CDH13: variants seen among roughly 807,000 people sequenced by gnomAD.
The protein encoded by CDH13 is cadherin-13.
A neutral mutation model predicts 63.8 loss-of-function variants in CDH13; 24 were observed. The observed-to-expected ratio is 0.38, with a 90% confidence interval of 0.27 to 0.53. The LOEUF (loss-of-function observed/expected upper bound fraction) is 0.53, where lower values mean the gene tolerates loss of function less well. Ranked by LOEUF, CDH13 falls within the 20% of genes least tolerant of loss-of-function variation. The pLI is 0.85. For synonymous variants in CDH13, 503 were observed against 355.3 expected (o/e 1.42, Z -4.67); for missense variants, 1,049 against 903.1 (o/e 1.16, Z -2.07).
intron 1 of CDH13, among the ~76,000 whole-genome samples, chr16:82,802,269 G>T (rs1414023879): frequency 6.6e-6 from 1 of 152,064 alleles, no homozygotes; most frequent in Non-Finnish European, 1.5e-5. Flanking sequence ...TGAGAATAGT[G>T]AGTGCTCACA....
chr16:83,220,074 G>T (rs190039937), intron 5 of CDH13, among the ~76,000 whole-genome samples: 1 of 152,330 alleles, frequency 6.6e-6, no homozygotes, highest in Admixed American at 6.5e-5. Context: ...CTGGGGCCCA[G>T]CCCTTGGCAG....
At position 83,424,995 on chromosome 16, in the gene CDH13, A is replaced by G. The variant is rs75746762; in HGVS notation, c.782-61482A>G. Among the ~76,000 whole-genome samples the G allele has an allele frequency of 8.6e-3, 1,303 of 152,344 alleles. 8 individuals carry two copies. The highest frequency in any genetic ancestry group is 0.014 in the Non-Finnish European group (923 of 68,030). On this transcript the variant is annotated intron_variant, in intron 6 of 13. Transcript: ENST00000567109. ...TGCAACAAAAAGTCCCAAGGTTGCCATAGTAATGGGAAATTAAATCCACAG... is the reference window on the plus strand; with the variant it reads ...TGCAACAAAAAGTCCCAAGGTTGCCGTAGTAATGGGAAATTAAATCCACAG...
chr16:82,941,113 A>T (rs1280815726), intron 2 of CDH13, among the ~76,000 whole-genome samples: 1 of 152,178 alleles, frequency 6.6e-6, no homozygotes, highest in African/African-American at 2.4e-5. Context: ...ATGAAAAGTG[A>T]TCAGGAAGCT....
intron 7 of CDH13, among the ~76,000 whole-genome samples, chr16:83,546,890 C>T (rs2075396479): frequency 6.6e-6 from 1 of 152,182 alleles, no homozygotes; most frequent in South Asian, 2.1e-4. Flanking sequence ...ATCTGGCACA[C>T]AGTAGGTACT....
chr16:83,761,157 A>G (rs570494549), intron 11 of CDH13, among the ~76,000 whole-genome samples: 1 of 152,350 alleles, frequency 6.6e-6, no homozygotes, highest in East Asian at 1.9e-4. Context: ...GAGTGATGTC[A>G]AAAGAGCAGG....
chr16:83,409,134 A>C (rs1281252284), intron 6 of CDH13, among the ~76,000 whole-genome samples: 1 of 152,148 alleles, frequency 6.6e-6, no homozygotes, highest in Non-Finnish European at 1.5e-5. Flanking sequence ...CAGGGGAGGG[A>C]AGGCAGCCAA....
intron 1 of CDH13, among the ~76,000 whole-genome samples, chr16:82,692,672 G>A (rs566399868): frequency 1.3e-5 from 2 of 152,322 alleles, no homozygotes; most frequent in South Asian, 2.1e-4. Flanking sequence ...CCTTGAATAG[G>A]TGATATGGCA....
intron 6 of CDH13, among the ~76,000 whole-genome samples, chr16:83,468,203 G>C (rs1035312228): frequency 1.3e-5 from 2 of 152,212 alleles, no homozygotes; most frequent in African/African-American, 2.4e-5. Context: ...CTGGGGATGA[G>C]AGTACTGTGG....
chr16:82,825,539 C>A (rs2038202639), intron 1 of CDH13: 1 of 137,996 alleles, frequency 7.2e-6, no homozygotes, highest in African/African-American at 2.7e-5. Flanking sequence ...ACAATATTAA[C>A]TTTTTTTTTT....
chr16:83,043,487 ATGAGTGTGTGTGTGTG>A (rs1432733773), intron 3 of CDH13, among the ~76,000 whole-genome samples: 2 of 133,260 alleles, frequency 1.5e-5, no homozygotes, highest in Non-Finnish European at 3.1e-5. Flanking sequence ...AACTGTATAT[ATGAGTGTGTGTGTGTG>A]TGTGTGTGTG....
chr16:83,756,701 G>A (rs748166103), intron 11 of CDH13, among the ~76,000 whole-genome samples: 2 of 152,162 alleles, frequency 1.3e-5, no homozygotes, highest in Non-Finnish European at 2.9e-5. Context: ...AGGTAAAGAG[G>A]CCATTTCATA....
chr16:83,162,165 CTGTTTTACAGAT>C (rs2037475731), intron 4 of CDH13, among the ~76,000 whole-genome samples: 1 of 152,190 alleles, frequency 6.6e-6, no homozygotes, highest in Non-Finnish European at 1.5e-5. Flanking sequence ...GTACTGGAAT[CTGTTTTACAGAT>C]AATAAGAAAC....
At position 83,678,417 on chromosome 16, in the gene CDH13, A is replaced by G; in HGVS notation, c.1494A>G (p.Thr498=). The part of the protein sequence containing the change: ...EDLSVGSVLL[T]VNATDPDSLQ... ...TCTCTGTGGGCAGCGTGCTGCTGAC[A>G]GTGAATGCCACGGACCCCGACTCCC... The change falls in exon 10 of 14, where the codon ACA becomes ACG. Residue 498 remains threonine, a synonymous_variant. Transcript: ENST00000567109. 1.2e-6 allele frequency: 2 copies of G among 1,614,002 alleles called. No individual in the cohort carries two copies. The highest frequency in any genetic ancestry group is 1.7e-6 in the Non-Finnish European group (2 of 1,179,890).
intron 5 of CDH13, among the ~76,000 whole-genome samples, chr16:83,233,129 T>C (rs1469289575): frequency 2.0e-5 from 3 of 152,178 alleles, no homozygotes; most frequent in African/African-American, 7.2e-5. Context: ...AACAAAATAA[T>C]GACTAGAAAA....
intron 1 of CDH13, among the ~76,000 whole-genome samples, chr16:82,751,006 C>G (rs919942232): frequency 6.6e-6 from 1 of 152,178 alleles, no homozygotes; most frequent in Non-Finnish European, 1.5e-5. Flanking sequence ...TGGCGCTGGT[C>G]CTCTCCCCAG....
chr16:83,559,347 G>T (rs2075658212), intron 7 of CDH13, among the ~76,000 whole-genome samples: 1 of 152,132 alleles, frequency 6.6e-6, no homozygotes, highest in South Asian at 2.1e-4. Flanking sequence ...CGAGGCAGGT[G>T]GATCACCTGA....
intron 1 of CDH13, among the ~76,000 whole-genome samples, chr16:82,798,037 C>T (rs12596958): frequency 0.3 from 46,065 of 151,940 alleles, 7,207 homozygotes; most frequent in East Asian, 0.37. Flanking sequence ...CACTTTCTAC[C>T]CCAGGTTGCT....
intron 5 of CDH13, among the ~76,000 whole-genome samples, chr16:83,225,551 G>A (rs1205623072): frequency 2.0e-5 from 3 of 152,218 alleles, no homozygotes; most frequent in Non-Finnish European, 4.4e-5. Flanking sequence ...GGAACAGGCT[G>A]ATGTAATTCC....
intron 3 of CDH13, among the ~76,000 whole-genome samples, chr16:83,059,530 G>A (rs1408574076): frequency 6.6e-6 from 1 of 152,064 alleles, no homozygotes; most frequent in Non-Finnish European, 1.5e-5. Flanking sequence ...CCATGGCCTA[G>A]GTTTCTTATG....
Sources: gnomAD v4.1 joint callset for allele counts (sites outside exome capture counted in the v4.1 genomes callset) on GRCh38, gnomAD v4.1.1 for gene constraint, MANE v1.5 for transcripts, NCBI Gene and HGNC (gene_info 2026-07-23, HGNC 2026-07-21) for gene names.